Variants in GNAL observed in about 807,000 individuals in gnomAD.
The protein encoded by GNAL is guanine nucleotide-binding protein G(olf) subunit alpha.
In GNAL, 18 loss-of-function variants were observed where a neutral mutation model predicts 55.1. That is an observed-to-expected ratio of 0.33 (90% CI 0.23 to 0.48). GNAL has a LOEUF of 0.48. Among genes scored for constraint, GNAL ranks in the 20% least tolerant of loss-of-function variants. The probability of loss-of-function intolerance (pLI) is 0.99; values close to 1 mark genes in which losing one functional copy is unlikely to be tolerated. For missense variants in GNAL, 412 were observed against 614.1 expected, an observed-to-expected ratio of 0.67 and a Z score of 3.48; for synonymous variants, 253 against 237.0, an observed-to-expected ratio of 1.07 and a Z score of -0.62.
chr18:11,735,864 A>G (rs2032451662), intron 1 of GNAL, among the ~76,000 whole-genome samples: 2 of 152,148 alleles, frequency 1.3e-5, no homozygotes, highest in Non-Finnish European at 2.9e-5. Flanking sequence ...TAAAAAGTTC[A>G]GAGAATGGAA....
At chr18:11,753,495 T>C (rs1568011065) in intron 2 of GNAL, 133 bp from the exon 3 acceptor site, 2 of 619,926 alleles carry the variant, frequency 3.2e-6, no homozygotes, top group Non-Finnish European at 5.8e-6. Context: ...TGCGGATGTC[T>C]TGGGGGTTGA....
At chr18:11,762,157 C>T (rs1007610136) in intron 4 of GNAL, among the ~76,000 whole-genome samples, 1 of 152,182 alleles carries the variant, frequency 6.6e-6, no homozygotes, top group Non-Finnish European at 1.5e-5. Context: ...ATTTCATTTG[C>T]CAGCTGTCCA....
chr18:11,707,549 G>C lies in GNAL; in HGVS notation c.376+17610G>C, dbSNP rs566796537. Among the ~76,000 whole-genome samples the C allele has an allele frequency of 2.0e-5, 3 of 152,284 alleles. No homozygotes were observed. In the South Asian group the frequency reaches 6.2e-4, roughly 32 times the overall value. On this transcript the variant is annotated intron_variant, in intron 1 of 11. Coordinates refer to ENST00000334049, the MANE Select transcript of GNAL (RefSeq NM_182978.4). ...ATAGAGCACAAGCAAAGCAAATTTA[G>C]CCTAATTCTGGAGGGCCCTAGGATT...
chr18:11,816,873 C>G (rs1466656036), intron 4 of GNAL, among the ~76,000 whole-genome samples: 3 of 148,710 alleles, frequency 2.0e-5, no homozygotes, highest in African/African-American at 7.4e-5. Flanking sequence ...GGATGAATTT[C>G]AAAAATGTGC....
At chr18:11,802,802 T>C (rs2034553802) in intron 4 of GNAL, among the ~76,000 whole-genome samples, 2 of 152,140 alleles carry the variant, frequency 1.3e-5, no homozygotes, top group South Asian at 4.1e-4. Flanking sequence ...GGCAGGGAGT[T>C]GCCATTTTCT....
intron 4 of GNAL, among the ~76,000 whole-genome samples, chr18:11,809,170 A>G (rs959465541): frequency 2.0e-5 from 3 of 152,186 alleles, no homozygotes; most frequent in African/African-American, 7.2e-5. Context: ...AGGCAGGAGA[A>G]TCACTTAAAC....
chr18:11,694,679 G>A (rs1368669490), intron 1 of GNAL, among the ~76,000 whole-genome samples: 3 of 152,128 alleles, frequency 2.0e-5, no homozygotes, highest in Non-Finnish European at 4.4e-5. Context: ...GGTAATGAGA[G>A]GAATTCTCAG....
chr18:11,856,107 C>T (rs2143809085), intron 5 of GNAL, among the ~76,000 whole-genome samples: 1 of 151,588 alleles, frequency 6.6e-6, no homozygotes, highest in Non-Finnish European at 1.5e-5. Flanking sequence ...ACACAACATC[C>T]TCTTGGCAAT....
At chr18:11,693,050 C>T (rs2031302864) in intron 1 of GNAL, among the ~76,000 whole-genome samples, 2 of 137,792 alleles carry the variant, frequency 1.5e-5, no homozygotes, top group South Asian at 4.3e-4. Flanking sequence ...GGAGAGTTGT[C>T]ATCTCAAGAA....
In GNAL at chr18:11,876,673, C is replaced by G; in HGVS notation, c.1215C>G (p.Ile405Met). 1 of 1,601,896 alleles carries G rather than the reference C, an allele frequency of 6.2e-7. No individual in the cohort carries two copies. Among genetic ancestry groups the G allele is most frequent in the Non-Finnish European group, 8.6e-7 (1 of 1,168,822 alleles). Residue 405 changes from isoleucine to methionine, a missense_variant, in exon 11 of 12, where the codon ATC becomes ATG. Physicochemically the swap from Ile to Met is conservative, Grantham distance 10. Around this residue, in one of 5 missense-constraint regions of GNAL, gnomAD observed 79 missense variants for 127.1 expected, o/e 0.62. Coordinates refer to ENST00000334049, the MANE Select transcript of GNAL (RefSeq NM_182978.4). Reference sequence around the variant, plus strand: ...AAGTTACAAGAGCCAAGTTCTTTATCCGGGACCTGTTTTTGGTAAGCAATT... The same window carrying G: ...AAGTTACAAGAGCCAAGTTCTTTATGCGGGACCTGTTTTTGGTAAGCAATT... The part of the protein sequence containing the change: ...DPKVTRAKFF[I>M]RDLFLRISTA...
intron 5 of GNAL, chr18:11,857,023 G>A (rs1025274358): frequency 1.3e-5 from 2 of 152,160 alleles, no homozygotes; most frequent in Admixed American, 1.3e-4. Context: ...GCCATGTGGG[G>A]CTTCTTTCTA....
chr18:11,850,180 G>A (rs146268612), intron 5 of GNAL, among the ~76,000 whole-genome samples: 2 of 152,336 alleles, frequency 1.3e-5, no homozygotes, highest in Non-Finnish European at 2.9e-5. Context: ...ATTCCATGCT[G>A]CGGTTTGCTT....
chr18:11,700,283 C>A (rs1357846605), intron 1 of GNAL, among the ~76,000 whole-genome samples: 1 of 152,232 alleles, frequency 6.6e-6, no homozygotes, highest in Non-Finnish European at 1.5e-5. Flanking sequence ...AAAAAAGCAT[C>A]ATTTAAAGAC....
intron 1 of GNAL, among the ~76,000 whole-genome samples, chr18:11,730,189 T>A (rs905848338): frequency 6.7e-6 from 1 of 148,374 alleles, no homozygotes; most frequent in African/African-American, 2.5e-5. Context: ...AGGCAGAGTA[T>A]CCCTCTGTCA....
At chr18:11,876,445 A>AGAC (rs1306553128) in intron 10 of GNAL, among the ~76,000 whole-genome samples, 176 bp from the exon 11 acceptor site, 1 of 152,098 alleles carries the variant, frequency 6.6e-6, no homozygotes, top group African/African-American at 2.4e-5. Context: ...CCTGGGCAAG[A>AGAC]GAGTGAGACT....
chr18:11,875,747 A>G (rs1017927767), intron 10 of GNAL, among the ~76,000 whole-genome samples: 3 of 152,192 alleles, frequency 2.0e-5, no homozygotes, highest in African/African-American at 7.2e-5. Flanking sequence ...TGTTCTTTAT[A>G]AATTACCCAG....
At chr18:11,718,195 TAAAG>T (rs2032018752) in intron 1 of GNAL, among the ~76,000 whole-genome samples, 1 of 152,144 alleles carries the variant, frequency 6.6e-6, no homozygotes, top group African/African-American at 2.4e-5. Flanking sequence ...AAAGTAAGGA[TAAAG>T]AAGAAAAATG....
intron 1 of GNAL, among the ~76,000 whole-genome samples, chr18:11,742,692 C>T (rs902219690): frequency 6.6e-6 from 1 of 152,208 alleles, no homozygotes; most frequent in Admixed American, 6.5e-5. Context: ...AGTGCCTTCT[C>T]ACCTTAAATG....
At chr18:11,719,313 C>G (rs577359817) in intron 1 of GNAL, among the ~76,000 whole-genome samples, 1 of 151,884 alleles carries the variant, frequency 6.6e-6, no homozygotes, top group East Asian at 1.9e-4. Context: ...AATTTATCTT[C>G]TTTACAAATG....
Sources: allele counts gnomAD v4.1 joint callset (sites outside exome capture counted in the v4.1 genomes callset), GRCh38; gene constraint gnomAD v4.1.1; regional missense constraint gnomAD v4.1.1; transcripts MANE v1.5; gene names NCBI Gene and HGNC (gene_info 2026-07-23, HGNC 2026-07-21).